GALNT3: variants seen among roughly 807,000 people sequenced by gnomAD.
GALNT3 encodes the protein GalNAc transferase 3.
Under a neutral mutation model 69.8 loss-of-function variants are expected in GALNT3, and 51 were observed. The ratio of observed to expected loss-of-function variants is 0.73; its 90% CI spans 0.58 to 0.92. The LOEUF is 0.92. GALNT3 is among the 40% of genes least tolerant of loss of function. GALNT3 has a pLI of 0.00. For synonymous variants in GALNT3, 265 were observed against 248.5 expected (o/e 1.07, Z -0.63); for missense variants, 711 against 760.0 (o/e 0.94, Z 0.76).
chr2:165,791,937 T>G (rs1369607066), intron 1 of GALNT3, among the ~76,000 whole-genome samples: 5 of 152,168 alleles, frequency 3.3e-5, no homozygotes, highest in Non-Finnish European at 5.9e-5. Flanking sequence ...TGGACAATTC[T>G]GTAATTACAA....
At chr2:165,791,891 T>C (rs977537313) in intron 1 of GALNT3, among the ~76,000 whole-genome samples, 33 of 152,092 alleles carry the variant, frequency 2.2e-4, no homozygotes, top group African/African-American at 8.0e-4. Flanking sequence ...TTTGGACAAG[T>C]AGAAATGAGG....
intron 1 of GALNT3, among the ~76,000 whole-genome samples, chr2:165,778,967 G>A (rs1683041290): frequency 6.6e-6 from 1 of 152,098 alleles, no homozygotes; most frequent in South Asian, 2.1e-4. Flanking sequence ...GAGAGAGTTT[G>A]GGGAGCAGTG....
intron 1 of GALNT3, among the ~76,000 whole-genome samples, chr2:165,787,341 G>A (rs1166924617): frequency 6.6e-6 from 1 of 152,250 alleles, no homozygotes; most frequent in African/African-American, 2.4e-5. Context: ...TGGAGCTGGA[G>A]CAATGATGAG....
At chr2:165,767,472 G>A (rs1688664172) in intron 2 of GALNT3, among the ~76,000 whole-genome samples, 1 of 152,026 alleles carries the variant, frequency 6.6e-6, no homozygotes, top group Non-Finnish European at 1.5e-5. Context: ...CTTTAATCTT[G>A]CAAGATTTTC....
At chr2:165,754,788 A>T in intron 8 of GALNT3, 60 bp from the exon 9 acceptor site, 1 of 1,386,348 alleles carries the variant, frequency 7.2e-7, no homozygotes, top group Non-Finnish European at 1.0e-6. Context: ...ATATATTTTT[A>T]AAATAATTTA....
intron 1 of GALNT3, among the ~76,000 whole-genome samples, chr2:165,771,890 T>G (rs1000672249): frequency 2.0e-5 from 3 of 152,206 alleles, no homozygotes; most frequent in African/African-American, 7.2e-5. Flanking sequence ...GCAGGAAATT[T>G]TAAGCTGAAT....
chr2:165,780,624 C>CCCCAA (rs1431067483), intron 1 of GALNT3, among the ~76,000 whole-genome samples: 1 of 151,890 alleles, frequency 6.6e-6, no homozygotes. Context: ...GATTCATCTG[C>CCCCAA]AAATCAGGTT....
At chr2:165,755,674 T>A (rs1414782404) in intron 7 of GALNT3, among the ~76,000 whole-genome samples, 1 of 152,220 alleles carries the variant, frequency 6.6e-6, no homozygotes, top group Non-Finnish European at 1.5e-5. Context: ...AGAAAATAAC[T>A]TTTTTAAAAA....
upstream of GALNT3, chr2:165,794,549 AGTTCTAGATTTCCCCCACACG>A (rs1180778066): frequency 6.6e-6 from 1 of 152,326 alleles, no homozygotes; most frequent in Non-Finnish European, 1.5e-5. Context: ...GGGAACCAGA[AGTTCTAGATTTCCCCCACACG>A]GTTCCTCCCT....
chr2:165,786,519 A>G (rs1192148796), intron 1 of GALNT3, among the ~76,000 whole-genome samples: 2 of 152,180 alleles, frequency 1.3e-5, no homozygotes, highest in South Asian at 2.1e-4. Context: ...CATCATCCCA[A>G]TTACTTTAAA....
Position 165,772,584 on chromosome 2 carries a change from CAAAAAA to C in GALNT3, c.-108-1782_-108-1777del, listed in dbSNP as rs375725339. ...TGGGTAGCAGGACAAGACTCTGTCTCAAAAAAAAAAAAAAAAAAAAAAAAAGGGAAA... is the reference window on the plus strand; with the variant it reads ...TGGGTAGCAGGACAAGACTCTGTCTCAAAAAAAAAAAAAAAAAAAGGGAAA... On this transcript the variant is annotated intron_variant, in intron 1 of 10. Transcript: ENST00000392701. 1.8e-3 allele frequency among the ~76,000 whole-genome samples: 122 copies of C among 66,974 alleles called. No homozygotes were observed. In the South Asian group the frequency reaches 0.023, roughly 13 times the overall value. The allele number at this position is 66,974 out of a possible 152,430, so 43.9% of individuals were successfully genotyped here.
chr2:165,754,822 T>C, intron 8 of GALNT3, 94 bp from the exon 9 acceptor site: 2 of 1,390,038 alleles, frequency 1.4e-6, no homozygotes, highest in Non-Finnish European at 2.0e-6. Flanking sequence ...ATGATTATAA[T>C]GTAAAATCTC....
intron 7 of GALNT3, among the ~76,000 whole-genome samples, chr2:165,756,637 GA>G (rs1021685118): frequency 1.2e-3 from 187 of 150,044 alleles, no homozygotes; most frequent in African/African-American, 4.4e-3. Flanking sequence ...ACTAGAGCTT[GA>G]AAAAAAAAGG....
chr2:165,779,407 C>T (rs1326988791), intron 1 of GALNT3, among the ~76,000 whole-genome samples: 1 of 152,192 alleles, frequency 6.6e-6, no homozygotes, highest in Non-Finnish European at 1.5e-5. Flanking sequence ...GCACCCTCTC[C>T]CACACACTGA....
chr2:165,771,978 T>G (rs1688761015), intron 1 of GALNT3, among the ~76,000 whole-genome samples: 1 of 152,200 alleles, frequency 6.6e-6, no homozygotes, highest in African/African-American at 2.4e-5. Flanking sequence ...ATGGAGTGGA[T>G]ACTTCTGCTC....
Position 165,754,674 on chromosome 2 carries a change from C to T in GALNT3, c.1579G>A (p.Gly527Ser). 1.2e-6 allele frequency: 2 copies of T among 1,613,588 alleles called. No homozygotes were observed. The highest frequency in any genetic ancestry group is 1.7e-6 in the Non-Finnish European group (2 of 1,179,756). ...CLDVGENNQG[G>S]KPLIMYTCHG... The stretch of plus-strand genomic sequence containing the variant: ...CATGTATACATAATTAATGGTTTGC[C>T]TCCTTGATTGTTTTCTCCAACATCC... The change falls in exon 9 of 11, where the codon GGC becomes AGC. Residue 527 changes from glycine to serine, a missense_variant. By Grantham distance (56) the Gly-to-Ser change is moderately conservative. Coordinates refer to ENST00000392701, the MANE Select transcript of GALNT3 (RefSeq NM_004482.4).
At chr2:165,760,360 T>A (rs984242839) in intron 4 of GALNT3, among the ~76,000 whole-genome samples, 1 of 152,172 alleles carries the variant, frequency 6.6e-6, no homozygotes, top group Non-Finnish European at 1.5e-5. Flanking sequence ...GAGTTTCATG[T>A]CATGATAGGT....
chr2:165,779,264 G>C (rs1260805194), intron 1 of GALNT3, among the ~76,000 whole-genome samples: 1 of 152,096 alleles, frequency 6.6e-6, no homozygotes, highest in East Asian at 1.9e-4. Flanking sequence ...AACATTGTAC[G>C]AGCCAGCAAA....
Position 165,770,561 on chromosome 2 carries a change from T to C in GALNT3, c.140A>G (p.Lys47Arg), listed in dbSNP as rs1688733927. The C allele has an allele frequency of 6.2e-7, 1 of 1,613,766 alleles. No individual in the cohort carries two copies. The highest frequency in any genetic ancestry group is 8.5e-7 in the Non-Finnish European group (1 of 1,179,838). ...MQREVSVQYS[K>R]EESRMERNMK... The stretch of plus-strand genomic sequence containing the variant: ...GTTCCTTTCCATCCTTGATTCCTCT[T>C]TGGAATATTGAACACTTACTTCTCT... Residue 47 changes from lysine to arginine, a missense_variant, in exon 2 of 11, where the codon AAA becomes AGA. Lys to Arg is a conservative substitution (Grantham distance 26). Coordinates refer to ENST00000392701, the MANE Select transcript of GALNT3 (RefSeq NM_004482.4).
Sources: gnomAD v4.1 joint callset for allele counts (sites outside exome capture counted in the v4.1 genomes callset) on GRCh38, gnomAD v4.1.1 for gene constraint, MANE v1.5 for transcripts, NCBI Gene and HGNC (gene_info 2026-07-23, HGNC 2026-07-21) for gene names.